Variants in C4orf33 observed in about 807,000 individuals in gnomAD.
C4orf33 encodes chromosome 4 open reading frame 33.
In C4orf33, 20 loss-of-function variants were observed where a neutral mutation model predicts 24.3. The observed-to-expected ratio is 0.82, with a 90% CI of 0.58 to 1.19. The LOEUF (loss-of-function observed/expected upper bound fraction) is 1.19, where lower values mean the gene tolerates loss of function less well. Ranked by LOEUF, C4orf33 falls within the 50% of genes most tolerant of loss-of-function variation. The pLI, the probability that C4orf33 is intolerant of heterozygous loss-of-function variation, is 0.00. For synonymous variants in C4orf33, 67 were observed against 76.4 expected, an observed-to-expected ratio of 0.88 and a Z score of 0.64; for missense variants, 207 against 225.9, an observed-to-expected ratio of 0.92 and a Z score of 0.54.
In C4orf33 at chr4:129,111,686, C is replaced by T. The variant is rs1753693562; in HGVS notation, c.495C>T (p.Phe165=). Residue 165 remains phenylalanine, a splice_region_variant and synonymous_variant, in exon 6 of 6, where the codon TTC becomes TTT. Coordinates refer to ENST00000425929, the MANE Select transcript of C4orf33 (RefSeq NM_001099783.2). ...HELQQGQKPD[F]HCLEYFKSFN... ...CCACCTTCTTTTTCTTTGCTTTTAG[C>T]CATTGCCTAGAATACTTCAAGTCTT... is the stretch of plus-strand genomic sequence containing the variant. The T allele has an allele frequency of 8.2e-6, 13 of 1,581,442 alleles. No individual in the cohort carries two copies. Among genetic ancestry groups the T allele is most frequent in the Non-Finnish European group, 1.1e-5 (13 of 1,154,634 alleles).
chr4:129,106,296 A>AACTGGCTCAAAGTTTATGTGATAAT lies in C4orf33; in HGVS notation c.182-290_182-266dup, dbSNP rs1305465027. Reference sequence around the variant, plus strand: ...TTAAGATAAATTCCTAGAAGAAGATAACTGGCTCAAAGTTTATGTGATAAT... The same window carrying AACTGGCTCAAAGTTTATGTGATAAT: ...TTAAGATAAATTCCTAGAAGAAGATAACTGGCTCAAAGTTTATGTGATAATACTGGCTCAAAGTTTATGTGATAAT... On this transcript the variant is annotated intron_variant, in intron 2 of 5. Coordinates refer to ENST00000425929, the MANE Select transcript of C4orf33 (RefSeq NM_001099783.2). Among the ~76,000 whole-genome samples the AACTGGCTCAAAGTTTATGTGATAAT allele has an allele frequency of 5.9e-5, 9 of 152,226 alleles. No homozygotes were observed. In the East Asian group the frequency reaches 1.7e-3, roughly 29 times the overall value.
chr4:129,097,054 G>C (rs1019394447), intron 1 of C4orf33, among the ~76,000 whole-genome samples: 1 of 152,084 alleles, frequency 6.6e-6, no homozygotes, highest in Non-Finnish European at 1.5e-5. Flanking sequence ...AACTACAGGC[G>C]CGTGCCACCA....
chr4:129,094,416 T>C (rs944216313), upstream of C4orf33, among the ~76,000 whole-genome samples: 1 of 152,212 alleles, frequency 6.6e-6, no homozygotes, highest in Admixed American at 6.5e-5. Context: ...TTTTATGGAC[T>C]GAAGTAAAGT....
rs1561095059 is a variant in C4orf33 at position 129,115,831 on chromosome 4, A to ATATATATGTTTATATATAAATATATAT, written c.*4040_*4041insTATATATGTTTATATATAAATATATAT. The stretch of plus-strand genomic sequence containing the variant: ...ATATATATATATATATATATATATA[A>ATATATATGTTTATATATAAATATATAT]AATATATATGTTTATATATAACATA... On this transcript the variant is annotated 3_prime_UTR_variant, in exon 6 of 6. Coordinates refer to ENST00000425929, the MANE Select transcript of C4orf33 (RefSeq NM_001099783.2). 88 of 43,736 alleles carry ATATATATGTTTATATATAAATATATAT rather than the reference A, an allele frequency of 2.0e-3. No homozygotes were observed. The highest frequency in any genetic ancestry group is 4.9e-3 in the African/African-American group (85 of 17,226). The allele number at this position is 43,736 out of a possible 1,614,324, so 2.7% of individuals were successfully genotyped here.
At chr4:129,099,535 G>A (rs1188687210) in intron 1 of C4orf33, among the ~76,000 whole-genome samples, 2 of 152,118 alleles carry the variant, frequency 1.3e-5, no homozygotes, top group African/African-American at 4.8e-5. Context: ...CAAATAAATA[G>A]TAACCATCAC....
Position 129,115,036 on chromosome 4 carries a change from T to C in C4orf33, c.*3245T>C, listed in dbSNP as rs487501. 110,547 of 152,082 alleles carry C rather than the reference T, an allele frequency of 0.73. 41,970 individuals carry two copies. The highest frequency in any genetic ancestry group is 0.89 in the South Asian group (4,286 of 4,818). The allele number at this position is 152,082 out of a possible 1,614,324, so 9.4% of individuals were successfully genotyped here. On this transcript the variant is annotated 3_prime_UTR_variant, in exon 6 of 6. Transcript: ENST00000425929. ...CAAACCACTTGAAACTACTGAAGAG[T>C]TTGGCCAAATGTGAGAGAAATACAG... is the stretch of plus-strand genomic sequence containing the variant.
At chr4:129,110,892 CA>C (rs1753677915) in intron 5 of C4orf33, among the ~76,000 whole-genome samples, 1 of 151,706 alleles carries the variant, frequency 6.6e-6, no homozygotes, top group Non-Finnish European at 1.5e-5. Flanking sequence ...AATTGTGATT[CA>C]AAAACTGACT....
chr4:129,098,124 G>A (rs1479288223), intron 1 of C4orf33, among the ~76,000 whole-genome samples: 1 of 152,108 alleles, frequency 6.6e-6, no homozygotes, highest in Non-Finnish European at 1.5e-5. Flanking sequence ...GGGAACTTGG[G>A]AAGGAGGTTT....
At chr4:129,105,038 A>G (rs930693507) in intron 2 of C4orf33, among the ~76,000 whole-genome samples, 3 of 151,828 alleles carry the variant, frequency 2.0e-5, no homozygotes, top group African/African-American at 7.3e-5. Context: ...GTGCTTATGT[A>G]TGTATGTATG....
rs1561095253 is a variant in C4orf33 at position 129,116,317 on chromosome 4, A to G, written c.*4526A>G. 6.6e-6 allele frequency: 1 copy of G among 152,224 alleles called. No homozygotes were observed. The highest frequency in any genetic ancestry group is 6.5e-5 in the Admixed American group (1 of 15,276). The allele number at this position is 152,224 out of a possible 1,614,324, so 9.4% of individuals were successfully genotyped here. ...TTACTACTTATTTGAATTACAATGA[A>G]ATAATATATAGCTACATCACTGGCT... is the stretch of plus-strand genomic sequence containing the variant. On this transcript the variant is annotated 3_prime_UTR_variant, in exon 6 of 6. Transcript: ENST00000425929.
intron 1 of C4orf33, among the ~76,000 whole-genome samples, chr4:129,096,965 A>G (rs977691750): frequency 1.3e-5 from 2 of 152,194 alleles, no homozygotes; most frequent in Non-Finnish European, 2.9e-5. Context: ...GCTGGAGTGC[A>G]GTGGAGCGAT....
At chr4:129,109,710 C>A in intron 5 of C4orf33, 38 bp downstream of exon 5, 1 of 1,536,004 alleles carries the variant, frequency 6.5e-7, no homozygotes, top group Non-Finnish European at 8.9e-7. Flanking sequence ...TCCAAATACA[C>A]GAGTTTTTTC....
At chr4:129,096,999 T>G (rs1753226703) in intron 1 of C4orf33, among the ~76,000 whole-genome samples, 1 of 152,108 alleles carries the variant, frequency 6.6e-6, no homozygotes, top group Admixed American at 6.5e-5. Flanking sequence ...AACCTCCGCC[T>G]CCGGGTTCAA....
rs1216130762 is a variant in C4orf33 at position 129,114,481 on chromosome 4, C to G, written c.*2690C>G. The G allele has an allele frequency of 6.6e-6, 1 of 152,266 alleles. No homozygotes were observed. The highest frequency in any genetic ancestry group is 6.5e-5 in the Admixed American group (1 of 15,280). 9.4% of individuals were successfully genotyped at this position (152,266 alleles called of 1,614,324 possible). A position where few individuals can be genotyped will look rare whatever the true frequency, so the allele number is the denominator to read the frequency against. On this transcript the variant is annotated 3_prime_UTR_variant, in exon 6 of 6. Transcript: ENST00000425929. ...CTGTTTTGCTCTTCCTGGTACCTCT[C>G]TCCTCTCTGGAATTGCTTAACTACA...
In C4orf33 at chr4:129,112,284, A is replaced by G. The variant is rs1258217323; in HGVS notation, c.*493A>G. 6.6e-6 allele frequency: 1 copy of G among 152,298 alleles called. No individual in the cohort carries two copies. Among genetic ancestry groups the G allele is most frequent in the Non-Finnish European group, 1.5e-5 (1 of 68,088 alleles). The allele number at this position is 152,298 out of a possible 1,614,324, so 9.4% of individuals were successfully genotyped here. ...CAAACTACAATATAGTCAGTGGAAT[A>G]CTGTTCATTTAAAAAAGGACTGCTG... On this transcript the variant is annotated 3_prime_UTR_variant, in exon 6 of 6. Coordinates refer to ENST00000425929, the MANE Select transcript of C4orf33 (RefSeq NM_001099783.2).
rs987076437 is a variant in C4orf33, at chr4:129,102,778, G to A, written c.168G>A (p.Leu56=). ...AACCAGGAAAACCTTTCAATGAACTGTGGGATTATGAAGGTAAGTGGAAGT... is the reference window on the plus strand; with the variant it reads ...AACCAGGAAAACCTTTCAATGAACTATGGGATTATGAAGGTAAGTGGAAGT... ...LGEPGKPFNE[L]WDYEVVEAFF... is the part of the protein sequence containing the mutation. Residue 56 remains leucine (L), a synonymous_variant, in exon 2 of 6, where the codon CTG becomes CTA. Coordinates refer to ENST00000425929, the MANE Select transcript of C4orf33 (RefSeq NM_001099783.2). 3 of 1,612,102 alleles carry A rather than the reference G, an allele frequency of 1.9e-6. No homozygotes were observed. Among genetic ancestry groups the A allele is most frequent in the Non-Finnish European group, 1.7e-6 (2 of 1,179,384 alleles).
chr4:129,110,066 GTTATC>G lies in C4orf33; in HGVS notation c.494+396_494+400del, dbSNP rs1311701684. ...CTGTTACAAGGAAATCTAATCTTCAGTTATCTCTCTAGTTCTCCTCTTCTGGTAAC... is the reference window on the plus strand; with the variant it reads ...CTGTTACAAGGAAATCTAATCTTCAGTCTCTAGTTCTCCTCTTCTGGTAAC... On this transcript the variant is annotated intron_variant, in intron 5 of 5. Coordinates refer to ENST00000425929, the MANE Select transcript of C4orf33 (RefSeq NM_001099783.2). 3.2e-6 allele frequency: 3 copies of G among 939,700 alleles called. No homozygotes were observed. The African/African-American group carries it at 5.4e-5, about 17-fold the overall frequency. The allele number at this position is 939,700 out of a possible 1,614,324, so 58.2% of individuals were successfully genotyped here.
rs55715189 is a variant in C4orf33 at position 129,111,702 on chromosome 4, T to G, written c.511T>G (p.Phe171Val). 2.6e-5 allele frequency: 42 copies of G among 1,610,126 alleles called. No homozygotes were observed. The African/African-American group carries it at 5.1e-4, about 19-fold the overall frequency. Residue 171 changes from phenylalanine (F) to valine (V), a missense_variant, in exon 6 of 6, where the codon TTC becomes GTC. Coordinates refer to ENST00000425929, the MANE Select transcript of C4orf33 (RefSeq NM_001099783.2). ...QKPDFHCLEY[F>V]KSFNFNTLLG... ...TGCTTTTAGCCATTGCCTAGAATACTTCAAGTCTTTCAATTTTAACACACT... is the reference window on the plus strand; with the variant it reads ...TGCTTTTAGCCATTGCCTAGAATACGTCAAGTCTTTCAATTTTAACACACT...
upstream of C4orf33, among the ~76,000 whole-genome samples, chr4:129,095,849 G>GT (rs1753189413): frequency 6.6e-6 from 1 of 152,108 alleles, no homozygotes; most frequent in Admixed American, 6.5e-5. Context: ...ATAATTTATA[G>GT]TTTTTGCTTA....
Sources: gnomAD v4.1 joint callset for allele counts (sites outside exome capture counted in the v4.1 genomes callset) on GRCh38, gnomAD v4.1.1 for gene constraint, MANE v1.5 for transcripts, NCBI Gene and HGNC (gene_info 2026-07-23, HGNC 2026-07-21) for gene names.